AOPEP: variants seen among roughly 807,000 people sequenced by gnomAD.
The protein encoded by AOPEP is aminopeptidase O.
AOPEP carries 77 observed loss-of-function variants against 98.1 expected under a neutral mutation model. That is an observed-to-expected ratio of 0.78 (90% CI 0.65 to 0.95). AOPEP has a LOEUF of 0.95. Ranked by LOEUF, AOPEP falls within the 40% of genes least tolerant of loss-of-function variation. The pLI is 0.00. For missense variants in AOPEP, 1,024 were observed against 1,024.7 expected, an observed-to-expected ratio of 1.00 and a Z score of 0.01; for synonymous variants, 346 against 365.3, an observed-to-expected ratio of 0.95 and a Z score of 0.60.
chr9:94,862,518 C>G (rs2045165561), intron 5 of AOPEP, among the ~76,000 whole-genome samples: 1 of 152,218 alleles, frequency 6.6e-6, no homozygotes, highest in Non-Finnish European at 1.5e-5. Context: ...TGAACATGCT[C>G]TGTTCATTAC....
chr9:94,797,213 C>A (rs1847151598), intron 4 of AOPEP, among the ~76,000 whole-genome samples: 1 of 152,214 alleles, frequency 6.6e-6, no homozygotes, highest in Non-Finnish European at 1.5e-5. Context: ...GCGGGCGGAT[C>A]ACGAGGTCGG....
chr9:94,841,338 AT>A lies in AOPEP; in HGVS notation c.1364+40343del, dbSNP rs201572238. On this transcript the variant is annotated intron_variant, in intron 5 of 16. Coordinates refer to ENST00000375315, the MANE Select transcript of AOPEP (RefSeq NM_001193329.3). ...AGGCGTGTGCCACGATGCTTGGCTAATTTTTTTGTATTTTTAGTAGAGATGG... is the reference window on the plus strand; with the variant it reads ...AGGCGTGTGCCACGATGCTTGGCTAATTTTTTGTATTTTTAGTAGAGATGG... Among the ~76,000 whole-genome samples, 799 of 151,938 alleles carry A rather than the reference AT, an allele frequency of 5.3e-3. 11 individuals carry two copies. The highest frequency in any genetic ancestry group is 0.044 in the South Asian group (210 of 4,804).
intron 5 of AOPEP, among the ~76,000 whole-genome samples, chr9:94,847,332 G>A (rs1323523359): frequency 6.6e-6 from 1 of 152,138 alleles, no homozygotes; most frequent in East Asian, 1.9e-4. Context: ...TAAGGAGTTT[G>A]GATCTCATTC....
intron 13 of AOPEP, among the ~76,000 whole-genome samples, chr9:95,023,025 C>G (rs993279762): frequency 8.5e-5 from 13 of 152,124 alleles, no homozygotes; most frequent in African/African-American, 2.9e-4. Flanking sequence ...CACCTTTTTG[C>G]CCCTCACCGG....
chr9:95,066,788 G>C (rs745858660), intron 14 of AOPEP, among the ~76,000 whole-genome samples: 17 of 152,138 alleles, frequency 1.1e-4, no homozygotes, highest in Non-Finnish European at 2.2e-4. Context: ...TCTTCTTCCG[G>C]TATAGCCAGG....
At chr9:94,962,888 CA>C (rs1401079252) in intron 9 of AOPEP, among the ~76,000 whole-genome samples, 2 of 152,084 alleles carry the variant, frequency 1.3e-5, no homozygotes, top group African/African-American at 4.8e-5. Context: ...GGACTACAGG[CA>C]CCCGCCACCA....
intron 5 of AOPEP, among the ~76,000 whole-genome samples, chr9:94,839,770 T>C (rs2042066151): frequency 6.6e-6 from 1 of 152,126 alleles, no homozygotes; most frequent in African/African-American, 2.4e-5. Flanking sequence ...CTTTTTCTTC[T>C]TCCTGATCTT....
chr9:95,088,578 G>A (rs1407234640), downstream of AOPEP, among the ~76,000 whole-genome samples: 2 of 152,152 alleles, frequency 1.3e-5, no homozygotes, highest in Non-Finnish European at 2.9e-5. Flanking sequence ...AGGAAGGACC[G>A]TGGGAGTACC....
chr9:94,772,993 C>T lies in AOPEP; in HGVS notation c.798-9C>T, dbSNP rs770052361. The T allele has an allele frequency of 2.3e-5, 37 of 1,582,696 alleles. No individual in the cohort carries two copies. The Admixed American group carries it at 6.6e-4, about 28-fold the overall frequency. ...TCACCCCCTTTCTTTCTTTGTCTCT[C>T]TTCTGCAGGCCATGTGTTTATACTG... is the stretch of plus-strand genomic sequence containing the variant. On this transcript the variant is annotated splice_polypyrimidine_tract_variant and intron_variant, in intron 2 of 16. Transcript: ENST00000375315.
At chr9:95,074,299 A>G (rs377028921) in intron 14 of AOPEP, among the ~76,000 whole-genome samples, 4 of 152,324 alleles carry the variant, frequency 2.6e-5, no homozygotes, top group South Asian at 2.1e-4. Flanking sequence ...TTAATTCTCT[A>G]CTGCCAGATA....
chr9:94,781,506 G>A (rs979941565), intron 3 of AOPEP, among the ~76,000 whole-genome samples: 5 of 149,102 alleles, frequency 3.4e-5, no homozygotes, highest in African/African-American at 9.8e-5. Context: ...AAAAGAATTG[G>A]TTTAGTACAT....
intron 13 of AOPEP, among the ~76,000 whole-genome samples, chr9:95,007,560 A>G (rs1171921251): frequency 6.6e-6 from 1 of 152,224 alleles, no homozygotes; most frequent in Non-Finnish European, 1.5e-5. Flanking sequence ...GAGTAGGTTG[A>G]AACCAACATT....
intron 13 of AOPEP, chr9:95,020,195 C>G (rs1391056700): frequency 6.6e-6 from 1 of 152,300 alleles, no homozygotes; most frequent in Admixed American, 6.5e-5. Flanking sequence ...AGGTAGCTCC[C>G]CAAGGCAGGC....
In AOPEP at chr9:94,933,306, C is replaced by T. The variant is rs574557958; in HGVS notation, c.1661+4775C>T. 11 of 985,532 alleles carry T rather than the reference C, an allele frequency of 1.1e-5. No homozygotes were observed. In the African/African-American group the frequency reaches 1.6e-4, roughly 14 times the overall value. 61.0% of individuals were successfully genotyped at this position (985,532 alleles called of 1,614,324 possible). The stretch of plus-strand genomic sequence containing the variant: ...TCTGCCTAAGTGCTTTCAGTTAGCA[C>T]ACTCTGACAGGCCCCAGGGATGGAA... On this transcript the variant is annotated intron_variant, in intron 7 of 16. Transcript: ENST00000375315.
intron 1 of AOPEP, among the ~76,000 whole-genome samples, chr9:94,745,704 C>T (rs1834325994): frequency 6.6e-6 from 1 of 152,140 alleles, no homozygotes; most frequent in Admixed American, 6.5e-5. Context: ...GGATCTTATT[C>T]TTTTTAACTG....
At chr9:94,923,925 G>A (rs1056108309) in intron 5 of AOPEP, 61 bp from the exon 6 acceptor site, 6 of 1,182,612 alleles carry the variant, frequency 5.1e-6, no homozygotes, top group East Asian at 3.2e-5. Flanking sequence ...CTGCCCCATC[G>A]GATGGCCATG....
rs115013137 is a variant in AOPEP at position 94,983,178 on chromosome 9, C to T, written c.1977+3751C>T. Among the ~76,000 whole-genome samples, 1,345 of 152,238 alleles carry T rather than the reference C, an allele frequency of 8.8e-3. 21 individuals carry two copies. The highest frequency in any genetic ancestry group is 0.03 in the African/African-American group (1,253 of 41,526). ...TAGCAGCCAGGACTACAGGCGGGCA[C>T]GCATGCCTGCTAATTTTTGTATTTT... On this transcript the variant is annotated intron_variant, in intron 11 of 16. Coordinates refer to ENST00000375315, the MANE Select transcript of AOPEP (RefSeq NM_001193329.3).
intron 13 of AOPEP, among the ~76,000 whole-genome samples, chr9:95,059,274 C>T (rs2067108258): frequency 6.6e-6 from 1 of 152,156 alleles, no homozygotes; most frequent in Non-Finnish European, 1.5e-5. Context: ...AGAGAATAGC[C>T]ACAGCATGTC....
intron 5 of AOPEP, among the ~76,000 whole-genome samples, chr9:94,859,718 G>T (rs973448756): frequency 2.6e-5 from 4 of 152,112 alleles, no homozygotes; most frequent in African/African-American, 9.7e-5. Context: ...TAAGGGCATG[G>T]GCTTTGGGGT....
Sources: allele counts gnomAD v4.1 joint callset (sites outside exome capture counted in the v4.1 genomes callset), GRCh38; gene constraint gnomAD v4.1.1; transcripts MANE v1.5; gene names NCBI Gene and HGNC (gene_info 2026-07-23, HGNC 2026-07-21).